Variants in UST observed in about 807,000 individuals in gnomAD.
UST encodes the protein chondroitin sulfate 2-O-sulfotransferase.
Under a neutral mutation model 45.6 loss-of-function variants are expected in UST, and 21 were observed. The ratio of observed to expected loss-of-function variants is 0.46; its 90% CI spans 0.33 to 0.66. The LOEUF is 0.66. Ranked by LOEUF, UST falls within the 30% of genes least tolerant of loss-of-function variation. UST has a pLI of 0.02. For missense variants in UST, 463 were observed against 512.4 expected, an observed-to-expected ratio of 0.90 and a Z score of 0.93; for synonymous variants, 215 against 200.6, an observed-to-expected ratio of 1.07 and a Z score of -0.61.
At chr6:149,056,394 A>G (rs1164215814) in intron 7 of UST, among the ~76,000 whole-genome samples, 1 of 152,086 alleles carries the variant, frequency 6.6e-6, no homozygotes, top group Non-Finnish European at 1.5e-5. Flanking sequence ...GGCCTAAGCC[A>G]CCGCACCCGG....
chr6:148,843,037 C>A (rs1429355113), intron 1 of UST, among the ~76,000 whole-genome samples: 1 of 152,222 alleles, frequency 6.6e-6, no homozygotes, highest in Non-Finnish European at 1.5e-5. Flanking sequence ...ATTCCTGTAG[C>A]TAAACAAACA....
chr6:149,051,186 ACTCAGCAGC>A (rs1348265425), intron 7 of UST, among the ~76,000 whole-genome samples: 1 of 152,190 alleles, frequency 6.6e-6, no homozygotes, highest in Non-Finnish European at 1.5e-5. Context: ...ATGAGCTTGG[ACTCAGCAGC>A]CAAGAAAAGT....
At chr6:148,785,819 T>G (rs1449859286) in intron 1 of UST, among the ~76,000 whole-genome samples, 2 of 152,224 alleles carry the variant, frequency 1.3e-5, no homozygotes, top group African/African-American at 4.8e-5. Context: ...CCAAACCATG[T>G]ATGTTAAAAA....
At chr6:148,900,771 C>A (rs1339023555) in intron 2 of UST, among the ~76,000 whole-genome samples, 1 of 152,208 alleles carries the variant, frequency 6.6e-6, no homozygotes, top group Non-Finnish European at 1.5e-5. Context: ...TCTTACAGTT[C>A]TGGAGGTCAG....
At chr6:149,040,372 T>C (rs570369222) in intron 7 of UST, among the ~76,000 whole-genome samples, 1 of 152,192 alleles carries the variant, frequency 6.6e-6, no homozygotes, top group African/African-American at 2.4e-5. Context: ...AAAATAAAAT[T>C]GTAGGCCGGG....
intron 1 of UST, among the ~76,000 whole-genome samples, chr6:148,858,726 C>G (rs148162015): frequency 6.6e-6 from 1 of 152,110 alleles, no homozygotes. Context: ...CAGTTCCCAC[C>G]TATGAGTGAG....
chr6:148,903,889 A>G (rs565192745), intron 2 of UST, among the ~76,000 whole-genome samples: 81 of 152,346 alleles, frequency 5.3e-4, no homozygotes, highest in African/African-American at 1.9e-3. Flanking sequence ...ACAGAATATA[A>G]CAGTGTCTTG....
intron 7 of UST, among the ~76,000 whole-genome samples, chr6:149,024,753 C>A (rs926010377): frequency 6.6e-6 from 1 of 152,116 alleles, no homozygotes; most frequent in Non-Finnish European, 1.5e-5. Context: ...ATTACTCTTT[C>A]CCTTTATTGA....
chr6:149,003,181 C>T (rs1402947871), intron 5 of UST, among the ~76,000 whole-genome samples: 1 of 152,114 alleles, frequency 6.6e-6, no homozygotes, highest in Non-Finnish European at 1.5e-5. Flanking sequence ...GGAACTATGC[C>T]TTTATACAAG....
chr6:149,043,295 G>A (rs980588682), intron 7 of UST, among the ~76,000 whole-genome samples: 5 of 151,824 alleles, frequency 3.3e-5, no homozygotes, highest in Middle Eastern at 3.4e-3. Flanking sequence ...ATTTTTTATA[G>A]AGGTGAGGTC....
intron 2 of UST, among the ~76,000 whole-genome samples, chr6:148,935,004 A>T (rs1779992365): frequency 6.6e-6 from 1 of 152,206 alleles, no homozygotes; most frequent in African/African-American, 2.4e-5. Flanking sequence ...GGTCTCATAG[A>T]CTATGAAAGT....
At chr6:148,887,543 A>G (rs1001681302) in intron 2 of UST, among the ~76,000 whole-genome samples, 3 of 152,244 alleles carry the variant, frequency 2.0e-5, no homozygotes, top group Non-Finnish European at 2.9e-5. Flanking sequence ...CTTAAGGGGC[A>G]GAATAATCCT....
chr6:148,762,205 A>G (rs985798164), intron 1 of UST, among the ~76,000 whole-genome samples: 1 of 152,256 alleles, frequency 6.6e-6, no homozygotes, highest in Non-Finnish European at 1.5e-5. Context: ...GTTAAGATCC[A>G]TAACCTCTGG....
intron 5 of UST, among the ~76,000 whole-genome samples, chr6:148,983,181 C>A (rs1043046798): frequency 6.6e-6 from 1 of 152,190 alleles, no homozygotes; most frequent in Non-Finnish European, 1.5e-5. Flanking sequence ...AACCGTCTTC[C>A]AAGAATGTGC....
Position 149,075,340 on chromosome 6 carries a change from T to C in UST, c.*1224T>C, listed in dbSNP as rs1341130959. 6.6e-6 allele frequency: 1 copy of C among 152,194 alleles called. No individual in the cohort carries two copies. Among genetic ancestry groups the C allele is most frequent in the Admixed American group, 6.5e-5 (1 of 15,270 alleles). 9.4% of individuals were successfully genotyped at this position (152,194 alleles called of 1,614,324 possible). A position where few individuals can be genotyped will look rare whatever the true frequency, so the allele number is the denominator to read the frequency against. On this transcript the variant is annotated 3_prime_UTR_variant, in exon 8 of 8. Transcript: ENST00000367463. ...AAAGGGGTCCTGAGTTCTGTGCAGGTGGAAGAGCTACCCGAGAACTACCTG... is the reference window on the plus strand; with the variant it reads ...AAAGGGGTCCTGAGTTCTGTGCAGGCGGAAGAGCTACCCGAGAACTACCTG...
At chr6:148,829,025 A>T (rs1777629041) in intron 1 of UST, among the ~76,000 whole-genome samples, 1 of 152,212 alleles carries the variant, frequency 6.6e-6, no homozygotes, top group Non-Finnish European at 1.5e-5. Flanking sequence ...CCTACCAGAA[A>T]CACAATGGCA....
intron 5 of UST, among the ~76,000 whole-genome samples, chr6:148,999,095 C>T (rs1386359235): frequency 6.6e-6 from 1 of 152,180 alleles, no homozygotes; most frequent in Non-Finnish European, 1.5e-5. Flanking sequence ...TTCAGTCATG[C>T]AGATATCTAG....
At chr6:148,917,494 A>C (rs1441956748) in intron 2 of UST, among the ~76,000 whole-genome samples, 4 of 152,214 alleles carry the variant, frequency 2.6e-5, no homozygotes, top group African/African-American at 9.7e-5. Context: ...TCAATGGAAG[A>C]ATTACGTGGC....
At chr6:148,813,020 C>T (rs781694468) in intron 1 of UST, among the ~76,000 whole-genome samples, 3 of 152,052 alleles carry the variant, frequency 2.0e-5, no homozygotes, top group Admixed American at 6.6e-5. Context: ...TAATAGTGCC[C>T]CTTTTTCATG....
Sources: allele counts gnomAD v4.1 joint callset (sites outside exome capture counted in the v4.1 genomes callset), GRCh38; gene constraint gnomAD v4.1.1; transcripts MANE v1.5; gene names NCBI Gene and HGNC (gene_info 2026-07-23, HGNC 2026-07-21).